The following PLEKHG3 variants were observed in gnomAD, a reference collection of about 807,000 sequenced individuals.
PLEKHG3 encodes the protein pleckstrin homology domain-containing family G member 3.
Under a neutral mutation model 94.9 loss-of-function variants are expected in PLEKHG3, and 62 were observed. The ratio of observed to expected loss-of-function variants is 0.65; its 90% confidence interval spans 0.53 to 0.81. The LOEUF (loss-of-function observed/expected upper bound fraction) is 0.81. Among genes scored for constraint, PLEKHG3 ranks in the 30% least tolerant of loss-of-function variants. The pLI is 0.00. For missense variants in PLEKHG3, 1,461 were observed against 1,619.3 expected (o/e 0.90, Z 1.68); for synonymous variants, 614 against 654.0 (o/e 0.94, Z 0.93).
Position 64,743,184 on chromosome 14 carries a change from G to A in PLEKHG3, c.3141G>A (p.Trp1047Ter). Residue 1047 changes from tryptophan (W) to a stop codon, truncating the protein, a stop_gained, in exon 17 of 17, where the codon TGG becomes TGA. Transcript: ENST00000247226. LOFTEE classifies it low-confidence loss of function (END_TRUNC). The surrounding 1 kb of genome is among the most constrained non-coding windows in gnomAD (Gnocchi z 7.2). ...TCAGCCCCACAGAGACCTTCAGCTG[G>A]CCCGACGTCCGTGAGCTCTGCTCCA... The part of the protein sequence containing the change: ...SPLSPTETFS[W>*]PDVRELCSKY... The A allele has an allele frequency of 6.2e-7, 1 of 1,610,486 alleles. No homozygotes were observed. The highest frequency in any genetic ancestry group is 8.5e-7 in the Non-Finnish European group (1 of 1,179,866).
chr14:64,750,243 C>A lies in PLEKHG3; in HGVS notation c.*6540C>A, dbSNP rs77740829. The A allele has an allele frequency of 8.9e-3, 12,090 of 1,358,560 alleles. 75 individuals are homozygous for A. The highest frequency in any genetic ancestry group is 0.019 in the Middle Eastern group (101 of 5,268). 84.2% of individuals were successfully genotyped at this position (1,358,560 alleles called of 1,614,324 possible). A position where few individuals can be genotyped will look rare whatever the true frequency, so the allele number is the denominator to read the frequency against. ...ATAGCTTCACCATTAAAAAAAATTA[C>A]ACCATGTTTGTTCTGATACATAGTA... On this transcript the variant is annotated 3_prime_UTR_variant, in exon 17 of 17. Coordinates refer to ENST00000247226, the MANE Select transcript of PLEKHG3 (RefSeq NM_001308147.2).
intron 1 of PLEKHG3, among the ~76,000 whole-genome samples, chr14:64,708,645 G>T (rs1457134388): frequency 2.0e-5 from 3 of 152,146 alleles, no homozygotes; most frequent in Non-Finnish European, 4.4e-5. Context: ...CTGAGTCTCC[G>T]ACCCTCTCTG....
chr14:64,735,901 T>G (rs2081560272), intron 12 of PLEKHG3, among the ~76,000 whole-genome samples: 1 of 152,278 alleles, frequency 6.6e-6, no homozygotes, highest in African/African-American at 2.4e-5. Flanking sequence ...AGTTTTAAAA[T>G]GAAAGAATAG....
At chr14:64,733,168 T>C (rs557754057) in intron 12 of PLEKHG3, among the ~76,000 whole-genome samples, 3 of 126,350 alleles carry the variant, frequency 2.4e-5, no homozygotes, top group African/African-American at 5.9e-5. Flanking sequence ...CTTTTTCTTT[T>C]TTTTTTTTTT....
rs1566701792 is a variant in PLEKHG3 at position 64,727,177 on chromosome 14, C to A, written c.-39-416C>A. ...GGTGAGGAGCTGAGGCTCTGAGGGA[C>A]TAAGTACTGTGCCCCAGCAGTGGGG... On this transcript the variant is annotated intron_variant, in intron 1 of 16. Transcript: ENST00000247226. The surrounding 1 kb of genome is among the most constrained non-coding windows in gnomAD (Gnocchi z 6.0). Among the ~76,000 whole-genome samples, 1 of 152,086 alleles carries A rather than the reference C, an allele frequency of 6.6e-6. No individual in the cohort carries two copies. Among genetic ancestry groups the A allele is most frequent in the Non-Finnish European group, 1.5e-5 (1 of 68,010 alleles).
In PLEKHG3 at chr14:64,716,496, A is replaced by ACAAC. The variant is rs1555359440; in HGVS notation, c.-39-11097_-39-11096insCAAC. 2.5e-4 allele frequency among the ~76,000 whole-genome samples: 20 copies of ACAAC among 79,546 alleles called. No individual in the cohort carries two copies. The East Asian group carries it at 3.4e-3, about 14-fold the overall frequency. 52.2% of individuals were successfully genotyped at this position (79,546 alleles called of 152,430 possible). A position where few individuals can be genotyped will look rare whatever the true frequency, so the allele number is the denominator to read the frequency against. ...ACACACACACAACACACACACACAC[A>ACAAC]ACACACACACACACACACACACACA... On this transcript the variant is annotated intron_variant, in intron 1 of 16. Transcript: ENST00000247226. The surrounding 1 kb of genome is among the most constrained non-coding windows in gnomAD (Gnocchi z 5.0).
rs1438962667 is a variant in PLEKHG3, at chr14:64,730,150, TGTCA to T, written c.450-87_450-84del. The stretch of plus-strand genomic sequence containing the variant: ...TCTTTAGCAAAGCAATAGGGCTGGC[TGTCA>T]GTCAGGGTTTGGGAGGTTGGGGAGG... On this transcript the variant is annotated intron_variant, in intron 3 of 16. Transcript: ENST00000247226. This position sits in a 1 kb window ranked among gnomAD's most constrained non-coding sequence, Gnocchi z 5.4. 4.2e-6 allele frequency: 3 copies of T among 708,700 alleles called. No homozygotes were observed. Among genetic ancestry groups the T allele is most frequent in the South Asian group, 3.1e-5 (2 of 63,604 alleles). 43.9% of individuals were successfully genotyped at this position (708,700 alleles called of 1,614,324 possible).
chr14:64,716,368 G>A lies in PLEKHG3; in HGVS notation c.-39-11225G>A, dbSNP rs1380871481. ...GGCAACTGTAAATGGTTCTGCCGGG[G>A]ACTTCAGGGGGACTTCATGTCGTGA... On this transcript the variant is annotated intron_variant, in intron 1 of 16. Coordinates refer to ENST00000247226, the MANE Select transcript of PLEKHG3 (RefSeq NM_001308147.2). The surrounding 1 kb of genome is among the most constrained non-coding windows in gnomAD (Gnocchi z 5.0). Among the ~76,000 whole-genome samples the A allele has an allele frequency of 1.3e-5, 2 of 151,622 alleles. No individual in the cohort carries two copies. The highest frequency in any genetic ancestry group is 4.9e-5 in the African/African-American group (2 of 41,224).
Position 64,731,196 on chromosome 14 carries a change from A to AG in PLEKHG3, c.849+31dup. 2.9e-6 allele frequency: 2 copies of AG among 683,310 alleles called. No individual in the cohort carries two copies. The highest frequency in any genetic ancestry group is 4.9e-6 in the Non-Finnish European group (2 of 407,594). 42.3% of individuals were successfully genotyped at this position (683,310 alleles called of 1,614,324 possible). A position where few individuals can be genotyped will look rare whatever the true frequency, so the allele number is the denominator to read the frequency against. Reference sequence around the variant, plus strand: ...TGCTCTGGGGCTGGGACGCTGGGGGAGGGGCAGGGCTGGGTGGGCCAGGCT... The same window carrying AG: ...TGCTCTGGGGCTGGGACGCTGGGGGAGGGGGCAGGGCTGGGTGGGCCAGGCT... On this transcript the variant is annotated intron_variant, in intron 7 of 16. Transcript: ENST00000247226. The surrounding 1 kb of genome is among the most constrained non-coding windows in gnomAD (Gnocchi z 6.1).
In PLEKHG3 at chr14:64,726,382, G is replaced by A. The variant is rs2081353871; in HGVS notation, c.-39-1211G>A. On this transcript the variant is annotated intron_variant, in intron 1 of 16. Transcript: ENST00000247226. The surrounding 1 kb of genome is among the most constrained non-coding windows in gnomAD (Gnocchi z 5.1). ...AGGGGTAGAAGACTCGGGTCAGTAGGGGTGAGAGGGATGCCCAGGAACTTA... is the reference window on the plus strand; with the variant it reads ...AGGGGTAGAAGACTCGGGTCAGTAGAGGTGAGAGGGATGCCCAGGAACTTA... Among the ~76,000 whole-genome samples the A allele has an allele frequency of 6.6e-6, 1 of 152,256 alleles. No individual in the cohort carries two copies. Among genetic ancestry groups the A allele is most frequent in the East Asian group, 1.9e-4 (1 of 5,182 alleles).
rs1347549346 is a variant in PLEKHG3, at chr14:64,717,440, G to A, written c.-39-10153G>A. Among the ~76,000 whole-genome samples the A allele has an allele frequency of 2.6e-5, 4 of 152,116 alleles. No individual in the cohort carries two copies. The highest frequency in any genetic ancestry group is 5.9e-5 in the Non-Finnish European group (4 of 68,030). On this transcript the variant is annotated intron_variant, in intron 1 of 16. Coordinates refer to ENST00000247226, the MANE Select transcript of PLEKHG3 (RefSeq NM_001308147.2). This position sits in a 1 kb window ranked among gnomAD's most constrained non-coding sequence, Gnocchi z 4.7. ...ATTCTGATGGGCTTGGGAAGGGAAA[G>A]TGAGAACTGGGGGAAGGAAAAAACC...
At position 64,745,094 on chromosome 14, in the gene PLEKHG3, C is replaced by T. The variant is rs1460836616; in HGVS notation, c.*1391C>T. The T allele has an allele frequency of 6.6e-6, 1 of 152,150 alleles. No homozygotes were observed. Among genetic ancestry groups the T allele is most frequent in the East Asian group, 1.9e-4 (1 of 5,194 alleles). 9.4% of individuals were successfully genotyped at this position (152,150 alleles called of 1,614,324 possible). On this transcript the variant is annotated 3_prime_UTR_variant, in exon 17 of 17. Coordinates refer to ENST00000247226, the MANE Select transcript of PLEKHG3 (RefSeq NM_001308147.2). The surrounding 1 kb of genome is among the most constrained non-coding windows in gnomAD (Gnocchi z 5.0). ...TGCGGCTGAAGGTAAGGATTCTAAA[C>T]TCGGAGACTAGAAATGTCCTAAAGG...
At position 64,728,572 on chromosome 14, in the gene PLEKHG3, C is replaced by T. The variant is rs1483397987; in HGVS notation, c.352-424C>T. On this transcript the variant is annotated intron_variant, in intron 2 of 16. Coordinates refer to ENST00000247226, the MANE Select transcript of PLEKHG3 (RefSeq NM_001308147.2). This position sits in a 1 kb window ranked among gnomAD's most constrained non-coding sequence, Gnocchi z 5.9. ...TCAATGTGTTGGCTGGGTTGGCTCC[C>T]TTCAGAGCCTCTGAGGGAGTAGGCA... Among the ~76,000 whole-genome samples the T allele has an allele frequency of 6.6e-6, 1 of 152,246 alleles. No homozygotes were observed. Among genetic ancestry groups the T allele is most frequent in the African/African-American group, 2.4e-5 (1 of 41,464 alleles).
rs749136999 is a variant in PLEKHG3 at position 64,728,024 on chromosome 14, C to A, written c.351+42C>A. 1 of 1,226,028 alleles carries A rather than the reference C, an allele frequency of 8.2e-7. No homozygotes were observed. Among genetic ancestry groups the A allele is most frequent in the Non-Finnish European group, 1.1e-6 (1 of 892,458 alleles). The allele number at this position is 1,226,028 out of a possible 1,614,324, so 75.9% of individuals were successfully genotyped here. The stretch of plus-strand genomic sequence containing the variant: ...TTGCGGCACAGTATTCTAGCAGAAG[C>A]CTGTTTCACCCTGGGAGGGAAGCTC... On this transcript the variant is annotated intron_variant, in intron 2 of 16. Transcript: ENST00000247226. The surrounding 1 kb of genome is among the most constrained non-coding windows in gnomAD (Gnocchi z 5.9).
rs2081191174 is a variant in PLEKHG3 at position 64,717,575 on chromosome 14, T to C, written c.-39-10018T>C. 6.6e-6 allele frequency among the ~76,000 whole-genome samples: 1 copy of C among 152,236 alleles called. No individual in the cohort carries two copies. Among genetic ancestry groups the C allele is most frequent in the Non-Finnish European group, 1.5e-5 (1 of 68,032 alleles). On this transcript the variant is annotated intron_variant, in intron 1 of 16. Transcript: ENST00000247226. This position sits in a 1 kb window ranked among gnomAD's most constrained non-coding sequence, Gnocchi z 4.7. ...TTTAAGAACTGGCATCTCAGTTTTCTAGGGTAGGTGTTCTCTTCCTGCTCC... is the reference window on the plus strand; with the variant it reads ...TTTAAGAACTGGCATCTCAGTTTTCCAGGGTAGGTGTTCTCTTCCTGCTCC...
chr14:64,736,336 G>A (rs552587625), intron 12 of PLEKHG3, among the ~76,000 whole-genome samples: 1 of 152,246 alleles, frequency 6.6e-6, no homozygotes, highest in South Asian at 2.1e-4. Flanking sequence ...GGTCAGCGAG[G>A]CTTCGTGATG....
In PLEKHG3 at chr14:64,720,376, G is replaced by A. The variant is rs992211411; in HGVS notation, c.-39-7217G>A. ...CGGAAACTTGCTGGCAGTGACTAAT[G>A]TGGAGACTCATTAGGCTAGGAGGAA... On this transcript the variant is annotated intron_variant, in intron 1 of 16. Transcript: ENST00000247226. This position sits in a 1 kb window ranked among gnomAD's most constrained non-coding sequence, Gnocchi z 4.1. Among the ~76,000 whole-genome samples the A allele has an allele frequency of 2.0e-5, 3 of 152,242 alleles. No homozygotes were observed. Among genetic ancestry groups the A allele is most frequent in the East Asian group, 1.9e-4 (1 of 5,194 alleles).
chr14:64,727,777 G>A lies in PLEKHG3; in HGVS notation c.146G>A (p.Gly49Glu), dbSNP rs2081380371. 1 of 1,611,002 alleles carries A rather than the reference G, an allele frequency of 6.2e-7. No homozygotes were observed. Among genetic ancestry groups the A allele is most frequent in the Non-Finnish European group, 8.5e-7 (1 of 1,177,980 alleles). ...AGCTCCGAGGCTCCCGCCAAGAATGGGGCAGGCTCCCTGAGAAGCCGGCAT... is the reference window on the plus strand; with the variant it reads ...AGCTCCGAGGCTCCCGCCAAGAATGAGGCAGGCTCCCTGAGAAGCCGGCAT... ...PSSSEAPAKN[G>E]AGSLRSRHLP... The change falls in exon 2 of 17, where the codon GGG (glycine) becomes GAG (glutamate). Residue 49 changes from glycine to glutamate, a missense_variant. Around this residue, in one of 3 missense-constraint regions of PLEKHG3, gnomAD observed 253 missense variants for 297.8 expected, o/e 0.85. Coordinates refer to ENST00000247226, the MANE Select transcript of PLEKHG3 (RefSeq NM_001308147.2). The surrounding 1 kb of genome is among the most constrained non-coding windows in gnomAD (Gnocchi z 6.0).
chr14:64,724,877 G>T (rs2081324464), intron 1 of PLEKHG3, among the ~76,000 whole-genome samples: 1 of 152,210 alleles, frequency 6.6e-6, no homozygotes. Context: ...CTCAGTACCT[G>T]CATGTATAAA....
Sources: gnomAD v4.1 joint callset for allele counts (sites outside exome capture counted in the v4.1 genomes callset) on GRCh38, gnomAD v4.1.1 for gene constraint, gnomAD v4.1.1 regional missense constraint, Gnocchi (gnomAD v3.1) non-coding constraint, MANE v1.5 for transcripts, NCBI Gene and HGNC (gene_info 2026-07-23, HGNC 2026-07-21) for gene names.